The following ITIH2 variants were observed in gnomAD, a reference collection of about 807,000 sequenced individuals.
ITIH2 encodes the protein inter-alpha-trypsin inhibitor heavy chain H2.
ITIH2 carries 103 observed loss-of-function variants against 104.4 expected under a neutral mutation model. That is an observed-to-expected ratio of 0.99 (90% CI 0.84 to 1.16). The LOEUF (loss-of-function observed/expected upper bound fraction) is 1.16. Among genes scored for constraint, ITIH2 ranks in the 50% most tolerant of loss-of-function variants. The pLI is 0.00. For missense variants in ITIH2, 1,108 were observed against 1,162.4 expected (o/e 0.95, Z 0.68); for synonymous variants, 436 against 435.4 (o/e 1.00, Z -0.02).
intron 4 of ITIH2, among the ~76,000 whole-genome samples, chr10:7,712,741 T>G (rs753130361): frequency 1.2e-4 from 18 of 152,246 alleles, no homozygotes; most frequent in Non-Finnish European, 2.5e-4. Context: ...CCCTTCTTAT[T>G]TCTTATAGAC....
chr10:7,712,027 A>G (rs1834800631), intron 4 of ITIH2, among the ~76,000 whole-genome samples: 1 of 152,196 alleles, frequency 6.6e-6, no homozygotes, highest in Non-Finnish European at 1.5e-5. Flanking sequence ...GATGGTTTCC[A>G]GATAAACACC....
At position 7,703,529 on chromosome 10, in the gene ITIH2, A is replaced by G. The variant is rs2298319; in HGVS notation, c.84+11A>G. Reference sequence around the variant, plus strand: ...AATGGACTTTCTGAAGTAAGTACTTACAGATCACTCCTTGCTGTTGGCTTG... The same window carrying G: ...AATGGACTTTCTGAAGTAAGTACTTGCAGATCACTCCTTGCTGTTGGCTTG... On this transcript the variant is annotated intron_variant, in intron 1 of 20. Coordinates refer to ENST00000358415, the MANE Select transcript of ITIH2 (RefSeq NM_002216.3). 6.5e-7 allele frequency: 1 copy of G among 1,547,498 alleles called. No individual in the cohort carries two copies. The highest frequency in any genetic ancestry group is 2.2e-5 in the East Asian group (1 of 44,526).
chr10:7,741,173 G>GTTTT (rs34408370), intron 16 of ITIH2, among the ~76,000 whole-genome samples: 2 of 100,224 alleles, frequency 2.0e-5, no homozygotes, highest in Admixed American at 1.2e-4. Context: ...ATTGTTTAAG[G>GTTTT]TTTTTTTTTT....
chr10:7,725,741 G>A (rs1267641232), intron 9 of ITIH2, among the ~76,000 whole-genome samples: 2 of 152,324 alleles, frequency 1.3e-5, no homozygotes, highest in East Asian at 3.9e-4. Flanking sequence ...TGGAAGCGTG[G>A]TGTTCAAAAG....
rs201448963 is a variant in ITIH2, at chr10:7,720,953, G to A, written c.728G>A (p.Gly243Glu). 1.2e-5 allele frequency: 19 copies of A among 1,605,970 alleles called. No homozygotes were observed. The Admixed American group carries it at 2.5e-4, about 21-fold the overall frequency. ...HFDGVPVISK[G>E]QQKAHVSFKP... ...GATGGTGTTCCGGTCATTTCTAAAG[G>A]ACAACAGAAGGTACCCTGAGCCCTG... Residue 243 changes from glycine (G) to glutamate (E), a missense_variant, in exon 7 of 21, where the codon GGA becomes GAA. Coordinates refer to ENST00000358415, the MANE Select transcript of ITIH2 (RefSeq NM_002216.3).
chr10:7,727,770 G>C lies in ITIH2; in HGVS notation c.1221G>C (p.Leu407=), dbSNP rs1564302799. 6.2e-7 allele frequency: 1 copy of C among 1,614,008 alleles called. No individual in the cohort carries two copies. Among genetic ancestry groups the C allele is most frequent in the Non-Finnish European group, 8.5e-7 (1 of 1,179,974 alleles). The part of the protein sequence containing the change: ...FILNEANNLG[L]LDPNSVSLII... ...TGAATGAAGCCAATAACTTGGGACT[G>C]TTAGACCCCAACTCCGTCTCGCTGA... The change falls in exon 11 of 21, where the codon CTG becomes CTC. Residue 407 remains leucine (L), a synonymous_variant. Coordinates refer to ENST00000358415, the MANE Select transcript of ITIH2 (RefSeq NM_002216.3).
At chr10:7,735,324 C>T (rs1020935331) in intron 15 of ITIH2, among the ~76,000 whole-genome samples, 3 of 152,296 alleles carry the variant, frequency 2.0e-5, no homozygotes, top group South Asian at 2.1e-4. Flanking sequence ...CTGCGTACCC[C>T]TTCCAACATT....
intron 9 of ITIH2, among the ~76,000 whole-genome samples, chr10:7,724,997 A>T (rs1250079797): frequency 6.6e-6 from 1 of 152,128 alleles, no homozygotes; most frequent in Admixed American, 6.5e-5. Flanking sequence ...TAGTTCATCT[A>T]TGAGCAAAAC....
intron 2 of ITIH2, among the ~76,000 whole-genome samples, chr10:7,705,718 A>G (rs1564296824): frequency 6.6e-6 from 1 of 151,730 alleles, no homozygotes; most frequent in African/African-American, 2.4e-5. Context: ...AAAAAAAAAA[A>G]AAGAATACAT....
chr10:7,726,810 G>A (rs1834954624), intron 9 of ITIH2, 140 bp from the exon 10 acceptor site: 3 of 628,864 alleles, frequency 4.8e-6, no homozygotes, highest in African/African-American at 1.9e-5. Context: ...ATTGACTGAG[G>A]TGGGCTCAAG....
intron 5 of ITIH2, among the ~76,000 whole-genome samples, chr10:7,713,897 C>T (rs1044915495): frequency 2.6e-5 from 4 of 151,906 alleles, no homozygotes; most frequent in African/African-American, 9.7e-5. Context: ...GAGATAAGGC[C>T]TTGCTTTGTT....
chr10:7,721,061 T>G, intron 7 of ITIH2, 98 bp downstream of exon 7: 2 of 789,212 alleles, frequency 2.5e-6, no homozygotes, highest in Non-Finnish European at 4.4e-6. Context: ...AGCAGGCTGG[T>G]GTTGAGGACA....
intron 8 of ITIH2, 96 bp from the exon 9 acceptor site, chr10:7,723,355 T>C (rs896371987): frequency 1.2e-6 from 1 of 808,658 alleles, no homozygotes; most frequent in African/African-American, 1.7e-5. Context: ...TCCTCCTCCC[T>C]GTAGACCCCT....
intron 2 of ITIH2, 120 bp downstream of exon 2, chr10:7,705,302 G>A (rs1421093992): frequency 4.1e-6 from 3 of 733,308 alleles, no homozygotes; most frequent in East Asian, 2.5e-5. Flanking sequence ...TAGCACAGAA[G>A]AGTCCAGACT....
chr10:7,727,605 G>T, intron 10 of ITIH2, 98 bp from the exon 11 acceptor site: 1 of 1,387,844 alleles, frequency 7.2e-7, no homozygotes, highest in Non-Finnish European at 1.0e-6. Context: ...ATAAGTGATG[G>T]ATAAGTGATC....
chr10:7,743,156 C>G lies in ITIH2; in HGVS notation c.2106C>G (p.Asp702Glu). The G allele has an allele frequency of 6.6e-7, 1 of 1,511,798 alleles. No individual in the cohort carries two copies. The highest frequency in any genetic ancestry group is 9.1e-7 in the Non-Finnish European group (1 of 1,104,270). The allele number at this position is 1,511,798 out of a possible 1,614,324, so 93.6% of individuals were successfully genotyped here. Reference sequence around the variant, plus strand: ...TTGTATATTTTCCAGTTGAAAATGACCCACATTTCATCATTTATCTACCAA... The same window carrying G: ...TTGTATATTTTCCAGTTGAAAATGAGCCACATTTCATCATTTATCTACCAA... ...PPPHVMRVENDPHFIIYLPKS... is the reference protein window; with the variant it reads ...PPPHVMRVENEPHFIIYLPKS... Residue 702 changes from aspartate (D) to glutamate (E), a missense_variant, in exon 17 of 21, where the codon GAC becomes GAG. By Grantham distance (45) the Asp-to-Glu change is conservative. Transcript: ENST00000358415.
At chr10:7,708,770 A>G (rs1447409629) in intron 3 of ITIH2, among the ~76,000 whole-genome samples, 1 of 152,142 alleles carries the variant, frequency 6.6e-6, no homozygotes, top group African/African-American at 2.4e-5. Context: ...CATTATTTAT[A>G]GACTCATAGG....
intron 4 of ITIH2, among the ~76,000 whole-genome samples, chr10:7,710,457 T>C (rs183958904): frequency 6.6e-6 from 1 of 152,350 alleles, no homozygotes; most frequent in Admixed American, 6.5e-5. Context: ...ACCCAGAGTA[T>C]GTTCCAGGTG....
At chr10:7,742,552 G>A (rs186763672) in intron 16 of ITIH2, among the ~76,000 whole-genome samples, 6 of 152,182 alleles carry the variant, frequency 3.9e-5, no homozygotes, top group African/African-American at 1.4e-4. Context: ...ACTAGCCTGG[G>A]AAACAAAGTG....
Sources: gnomAD v4.1 joint callset for allele counts (sites outside exome capture counted in the v4.1 genomes callset) on GRCh38, gnomAD v4.1.1 for gene constraint, MANE v1.5 for transcripts, NCBI Gene and HGNC (gene_info 2026-07-23, HGNC 2026-07-21) for gene names.